The following ST6GALNAC3 variants were observed in gnomAD, a reference collection of about 807,000 sequenced individuals.
The protein encoded by ST6GALNAC3 is alpha-N-acetylgalactosaminide alpha-2,6-sialyltransferase 3.
ST6GALNAC3 carries 25 observed loss-of-function variants against 32.7 expected under a neutral mutation model. That is an observed-to-expected ratio of 0.76 (90% CI 0.56 to 1.07). ST6GALNAC3 has a LOEUF of 1.07. Ranked by LOEUF, ST6GALNAC3 falls within the 50% of genes least tolerant of loss-of-function variation. ST6GALNAC3 has a pLI of 0.00. For synonymous variants in ST6GALNAC3, 129 were observed against 133.1 expected (o/e 0.97, Z 0.21); for missense variants, 355 against 382.4 (o/e 0.93, Z 0.60).
chr1:76,187,279 A>G (rs1356517825), intron 1 of ST6GALNAC3, among the ~76,000 whole-genome samples: 3 of 152,160 alleles, frequency 2.0e-5, no homozygotes, highest in African/African-American at 7.2e-5. Flanking sequence ...GTTGTTTTCC[A>G]TCCTGAAGTT....
intron 3 of ST6GALNAC3, among the ~76,000 whole-genome samples, chr1:76,511,113 G>C (rs1348860178): frequency 6.6e-6 from 1 of 152,022 alleles, no homozygotes; most frequent in African/African-American, 2.4e-5. Context: ...CAGGACATCA[G>C]GGTCTTTTGC....
chr1:76,449,402 G>A lies in ST6GALNAC3; in HGVS notation c.623+36985G>A, dbSNP rs189204663. Among the ~76,000 whole-genome samples the A allele has an allele frequency of 1.9e-3, 288 of 152,282 alleles. 1 individual carries two copies. The highest frequency in any genetic ancestry group is 6.6e-3 in the African/African-American group (273 of 41,560). The stretch of plus-strand genomic sequence containing the variant: ...TACAAACATTCATGTGCAAAATTTT[G>A]TGTGGACATAGTTTTCAACTCATTT... On this transcript the variant is annotated intron_variant, in intron 3 of 4. Coordinates refer to ENST00000328299, the MANE Select transcript of ST6GALNAC3 (RefSeq NM_152996.4).
chr1:76,101,224 C>T (rs1647217055), intron 1 of ST6GALNAC3, among the ~76,000 whole-genome samples: 1 of 152,162 alleles, frequency 6.6e-6, no homozygotes, highest in Non-Finnish European at 1.5e-5. Flanking sequence ...TATAGTTTTG[C>T]CTTTTCCGGA....
intron 1 of ST6GALNAC3, among the ~76,000 whole-genome samples, chr1:76,119,100 C>T (rs11590555): frequency 0.1 from 15,916 of 152,220 alleles, 1,096 homozygotes; most frequent in Non-Finnish European, 0.14. Context: ...GGATTACCAG[C>T]GTGAGCCACT....
chr1:76,219,927 A>G (rs1454604952), intron 1 of ST6GALNAC3, among the ~76,000 whole-genome samples: 2 of 152,076 alleles, frequency 1.3e-5, no homozygotes, highest in African/African-American at 4.8e-5. Flanking sequence ...GCAGCACCCA[A>G]CCCTGAGCAA....
intron 2 of ST6GALNAC3, among the ~76,000 whole-genome samples, chr1:76,374,132 A>G (rs1180202454): frequency 6.6e-6 from 1 of 152,240 alleles, no homozygotes; most frequent in African/African-American, 2.4e-5. Context: ...CAAAGTAATA[A>G]TAACACTTAG....
intron 3 of ST6GALNAC3, among the ~76,000 whole-genome samples, chr1:76,588,846 G>A (rs2100575033): frequency 6.6e-6 from 1 of 152,288 alleles, no homozygotes; most frequent in Admixed American, 6.5e-5. Flanking sequence ...GTTCCAGCCT[G>A]AGTAACTGGT....
rs182341370 is a variant in ST6GALNAC3, at chr1:76,548,082, T to C, written c.624-79370T>C. On this transcript the variant is annotated intron_variant, in intron 3 of 4. Transcript: ENST00000328299. Reference sequence around the variant, plus strand: ...TTGCAAAGCCTTCATAGTGCCATTGTTAAGCTCCAGGCTCAGAGGGCTTCC... The same window carrying C: ...TTGCAAAGCCTTCATAGTGCCATTGCTAAGCTCCAGGCTCAGAGGGCTTCC... Among the ~76,000 whole-genome samples the C allele has an allele frequency of 3.1e-4, 47 of 152,246 alleles. No homozygotes were observed. In the South Asian group the frequency reaches 5.6e-3, roughly 18 times the overall value.
intron 2 of ST6GALNAC3, among the ~76,000 whole-genome samples, chr1:76,372,428 G>A (rs1010193013): frequency 3.3e-5 from 5 of 151,778 alleles, no homozygotes; most frequent in African/African-American, 9.7e-5. Flanking sequence ...ACAGTTTGGG[G>A]GTTTTCATGA....
At chr1:76,479,060 G>C (rs1659556436) in intron 3 of ST6GALNAC3, among the ~76,000 whole-genome samples, 1 of 152,060 alleles carries the variant, frequency 6.6e-6, no homozygotes, top group Admixed American at 6.6e-5. Flanking sequence ...ACCATGCTCT[G>C]CCTTATTAAT....
chr1:76,497,017 T>G (rs1297709468), intron 3 of ST6GALNAC3, among the ~76,000 whole-genome samples: 1 of 152,162 alleles, frequency 6.6e-6, no homozygotes, highest in Admixed American at 6.6e-5. Context: ...ATTTTTCATT[T>G]ATGTAGAAGG....
At chr1:76,235,270 C>G (rs1656585065) in intron 1 of ST6GALNAC3, among the ~76,000 whole-genome samples, 1 of 152,170 alleles carries the variant, frequency 6.6e-6, no homozygotes, top group Non-Finnish European at 1.5e-5. Flanking sequence ...CTTTGGGAGG[C>G]TGAGACAGGA....
chr1:76,567,403 A>G (rs1480628921), intron 3 of ST6GALNAC3, among the ~76,000 whole-genome samples: 2 of 152,190 alleles, frequency 1.3e-5, no homozygotes, highest in African/African-American at 4.8e-5. Flanking sequence ...AGGGAGGACT[A>G]CCAGTTGTTA....
intron 2 of ST6GALNAC3, among the ~76,000 whole-genome samples, chr1:76,319,657 C>G (rs1260668348): frequency 6.6e-6 from 1 of 152,060 alleles, no homozygotes; most frequent in African/African-American, 2.4e-5. Flanking sequence ...AATGTATGTC[C>G]CAAAAGTTTA....
At chr1:76,584,477 A>G (rs1389160585) in intron 3 of ST6GALNAC3, among the ~76,000 whole-genome samples, 1 of 152,232 alleles carries the variant, frequency 6.6e-6, no homozygotes, top group African/African-American at 2.4e-5. Context: ...TTTTAAAGCC[A>G]TGATTTCATA....
chr1:76,558,961 G>T (rs1261600799), intron 3 of ST6GALNAC3, among the ~76,000 whole-genome samples: 1 of 151,978 alleles, frequency 6.6e-6, no homozygotes, highest in Non-Finnish European at 1.5e-5. Flanking sequence ...AAAAGAGGAG[G>T]CAATGTGCTG....
At chr1:76,504,874 T>C (rs1661379441) in intron 3 of ST6GALNAC3, among the ~76,000 whole-genome samples, 1 of 152,190 alleles carries the variant, frequency 6.6e-6, no homozygotes, top group Admixed American at 6.5e-5. Context: ...ACATGCACTG[T>C]CATTTTTTTC....
At position 76,525,467 on chromosome 1, in the gene ST6GALNAC3, C is replaced by A. The variant is rs372384881; in HGVS notation, c.624-101985C>A. Among the ~76,000 whole-genome samples the A allele has an allele frequency of 1.5e-3, 224 of 152,046 alleles. 2 individuals carry two copies. The highest frequency in any genetic ancestry group is 5.2e-3 in the African/African-American group (217 of 41,528). ...CACTAGAAAGAAATTTCAAAAAGGTCAGCCTCTGCTCCTTTCTTCCCTAAG... is the reference window on the plus strand; with the variant it reads ...CACTAGAAAGAAATTTCAAAAAGGTAAGCCTCTGCTCCTTTCTTCCCTAAG... On this transcript the variant is annotated intron_variant, in intron 3 of 4. Coordinates refer to ENST00000328299, the MANE Select transcript of ST6GALNAC3 (RefSeq NM_152996.4).
In ST6GALNAC3 at chr1:76,628,706, C is replaced by T. The variant is rs1347877752; in HGVS notation, c.818C>T (p.Pro273Leu). 3.1e-6 allele frequency: 5 copies of T among 1,612,388 alleles called. No individual in the cohort carries two copies. Among genetic ancestry groups the T allele is most frequent in the Non-Finnish European group, 4.2e-6 (5 of 1,179,038 alleles). ...CDEYFLHEHAPYGGHRFITEK... is the reference protein window; with the variant it reads ...CDEYFLHEHALYGGHRFITEK... The stretch of plus-strand genomic sequence containing the variant: ...GAATATTTTCTTCATGAACATGCCC[C>T]ATATGGGGGTCATAGGTTTATCACT... The change falls in exon 5 of 5, where the codon CCA becomes CTA. Residue 273 changes from proline (P) to leucine (L), a missense_variant. By Grantham distance (98) the Pro-to-Leu change is moderately conservative. Transcript: ENST00000328299.
Sources: allele counts gnomAD v4.1 joint callset (sites outside exome capture counted in the v4.1 genomes callset), GRCh38; gene constraint gnomAD v4.1.1; transcripts MANE v1.5; gene names NCBI Gene and HGNC (gene_info 2026-07-23, HGNC 2026-07-21).